Variants in CSGALNACT1 observed in about 807,000 individuals in gnomAD.
CSGALNACT1 encodes chondroitin sulfate N-acetylgalactosaminyltransferase 1, also known as beta4GalNAcT-1.
CSGALNACT1 carries 52 observed loss-of-function variants against 51.0 expected under a neutral mutation model. That is an observed-to-expected ratio of 1.02 (90% CI 0.82 to 1.29). The LOEUF (loss-of-function observed/expected upper bound fraction) is 1.29, where lower values mean the gene tolerates loss of function less well. Ranked by LOEUF, CSGALNACT1 falls within the 50% of genes most tolerant of loss-of-function variation. The pLI is 0.00. For missense variants in CSGALNACT1, 935 were observed against 679.2 expected (o/e 1.38, Z -4.19); for synonymous variants, 341 against 254.4 (o/e 1.34, Z -3.24).
chr8:19,681,144 T>C (rs559353535), intron 1 of CSGALNACT1, among the ~76,000 whole-genome samples: 3 of 152,220 alleles, frequency 2.0e-5, no homozygotes, highest in South Asian at 4.1e-4. Flanking sequence ...CACAAGGTCA[T>C]AGAAGCTCAT....
At chr8:19,650,791 G>C (rs1753331479) in intron 1 of CSGALNACT1, among the ~76,000 whole-genome samples, 1 of 152,196 alleles carries the variant, frequency 6.6e-6, no homozygotes, top group South Asian at 2.1e-4. Flanking sequence ...TTTTGGTAAT[G>C]ATTTTGGCCA....
intron 4 of CSGALNACT1, among the ~76,000 whole-genome samples, chr8:19,486,656 A>G (rs2153945737): frequency 6.6e-6 from 1 of 151,912 alleles, no homozygotes; most frequent in South Asian, 2.1e-4. Flanking sequence ...AATATCACCT[A>G]CTCAATGAGA....
intron 3 of CSGALNACT1, among the ~76,000 whole-genome samples, chr8:19,567,410 T>A (rs1299931858): frequency 6.6e-6 from 1 of 152,196 alleles, no homozygotes; most frequent in East Asian, 1.9e-4. Flanking sequence ...ATTTTCCACA[T>A]TTAAGAGGCA....
At chr8:19,731,782 G>A (rs959248195) in intron 1 of CSGALNACT1, among the ~76,000 whole-genome samples, 35 of 152,222 alleles carry the variant, frequency 2.3e-4, no homozygotes, top group African/African-American at 8.2e-4. Context: ...TCTAATTCTT[G>A]ATCAAGAAAC....
chr8:19,623,220 T>G (rs2054047540), intron 1 of CSGALNACT1, among the ~76,000 whole-genome samples: 1 of 152,182 alleles, frequency 6.6e-6, no homozygotes, highest in African/African-American at 2.4e-5. Context: ...ATATAGCAAT[T>G]CTAAAGCTGT....
intron 3 of CSGALNACT1, among the ~76,000 whole-genome samples, chr8:19,512,342 A>G (rs372624635): frequency 6.6e-5 from 10 of 152,362 alleles, no homozygotes; most frequent in African/African-American, 2.4e-4. Context: ...GACTGCAACC[A>G]GAGAGCTTGA....
chr8:19,552,493 CT>C (rs951084071), intron 3 of CSGALNACT1, among the ~76,000 whole-genome samples: 11 of 151,850 alleles, frequency 7.2e-5, no homozygotes, highest in Admixed American at 5.9e-4. Context: ...GACCAAGTTT[CT>C]TTTTTTTGTC....
At chr8:19,514,959 C>T (rs2079234136) in intron 3 of CSGALNACT1, among the ~76,000 whole-genome samples, 1 of 152,172 alleles carries the variant, frequency 6.6e-6, no homozygotes, top group South Asian at 2.1e-4. Flanking sequence ...GATGGACCAT[C>T]CTGGAGCCCA....
intron 3 of CSGALNACT1, among the ~76,000 whole-genome samples, chr8:19,513,339 C>A (rs1345952679): frequency 6.6e-6 from 1 of 150,972 alleles, no homozygotes; most frequent in Non-Finnish European, 1.5e-5. Flanking sequence ...ACGAAAGCCA[C>A]TATAATGATT....
intron 1 of CSGALNACT1, among the ~76,000 whole-genome samples, chr8:19,720,739 C>A (rs1229348364): frequency 6.6e-6 from 1 of 152,206 alleles, no homozygotes; most frequent in African/African-American, 2.4e-5. Flanking sequence ...AAGCTTTCCT[C>A]CATCGCTCTC....
chr8:19,684,348 C>T (rs560943655), upstream of CSGALNACT1, among the ~76,000 whole-genome samples: 8 of 152,166 alleles, frequency 5.3e-5, no homozygotes, highest in South Asian at 6.2e-4. Flanking sequence ...ATTGAAGCAA[C>T]GGGTTAAGAT....
At chr8:19,417,621 C>A (rs934488540) in intron 8 of CSGALNACT1, among the ~76,000 whole-genome samples, 2 of 152,214 alleles carry the variant, frequency 1.3e-5, no homozygotes, top group Non-Finnish European at 2.9e-5. Flanking sequence ...CCTTCCTCCA[C>A]CCTAAGGGGT....
chr8:19,641,501 A>C (rs2056746310), intron 1 of CSGALNACT1, among the ~76,000 whole-genome samples: 1 of 152,156 alleles, frequency 6.6e-6, no homozygotes, highest in African/African-American at 2.4e-5. Context: ...GTCCTACTGC[A>C]TGGGAAACTC....
intron 1 of CSGALNACT1, among the ~76,000 whole-genome samples, chr8:19,663,501 A>AG (rs1003405370): frequency 4.1e-5 from 6 of 147,996 alleles, no homozygotes; most frequent in African/African-American, 1.6e-4. Flanking sequence ...AGAGGTTCCT[A>AG]CAAGCAACTC....
chr8:19,642,529 G>C (rs896767664), intron 1 of CSGALNACT1, among the ~76,000 whole-genome samples: 4 of 152,094 alleles, frequency 2.6e-5, no homozygotes, highest in Non-Finnish European at 5.9e-5. Flanking sequence ...CCAGGACTTT[G>C]GGAGGCCAAG....
intron 1 of CSGALNACT1, among the ~76,000 whole-genome samples, chr8:19,699,980 C>T (rs543680532): frequency 4.0e-5 from 6 of 151,846 alleles, no homozygotes; most frequent in South Asian, 4.2e-4. Context: ...GGCATGGTGG[C>T]GCGTGCCTGT....
Position 19,704,508 on chromosome 8 carries a change from C to G in CSGALNACT1, c.-297+53342G>C, listed in dbSNP as rs531873234. ...AAATTGGTATAGCCATTATGGAAAACAGTATTGAGGTTCTTCAAAAATTAA... is the reference window on the plus strand; with the variant it reads ...AAATTGGTATAGCCATTATGGAAAAGAGTATTGAGGTTCTTCAAAAATTAA... On this transcript the variant is annotated intron_variant, in intron 1 of 1. Transcript: ENST00000517494. 3.9e-5 allele frequency among the ~76,000 whole-genome samples: 6 copies of G among 152,236 alleles called. No homozygotes were observed. In the East Asian group the frequency reaches 5.8e-4, roughly 15 times the overall value.
At chr8:19,504,109 C>G (rs543522843) in intron 4 of CSGALNACT1, among the ~76,000 whole-genome samples, 1 of 152,210 alleles carries the variant, frequency 6.6e-6, no homozygotes, top group Non-Finnish European at 1.5e-5. Context: ...CGGAGTCTCT[C>G]TCTGTCACCC....
chr8:19,480,085 T>G (rs1383797027), intron 4 of CSGALNACT1, among the ~76,000 whole-genome samples: 1 of 152,258 alleles, frequency 6.6e-6, no homozygotes, highest in Non-Finnish European at 1.5e-5. Flanking sequence ...AAATTCTGAA[T>G]AGGAAACAAG....
Sources: gnomAD v4.1 joint callset for allele counts (sites outside exome capture counted in the v4.1 genomes callset) on GRCh38, gnomAD v4.1.1 for gene constraint, MANE v1.5 for transcripts, NCBI Gene and HGNC (gene_info 2026-07-23, HGNC 2026-07-21) for gene names.